USP34: variants seen among roughly 807,000 people sequenced by gnomAD.
The protein encoded by USP34 is ubiquitin carboxyl-terminal hydrolase 34.
Under a neutral mutation model 460.3 loss-of-function variants are expected in USP34, and 70 were observed. The observed-to-expected ratio is 0.15, with a 90% CI of 0.13 to 0.19. The LOEUF is 0.19. Ranked by LOEUF, USP34 falls within the 10% of genes least tolerant of loss-of-function variation. The pLI is 1.00. For synonymous variants in USP34, 1,647 were observed against 1,405.3 expected, an observed-to-expected ratio of 1.17 and a Z score of -3.85; for missense variants, 3,985 against 4,236.2, an observed-to-expected ratio of 0.94 and a Z score of 1.65.
intron 20 of USP34, 29 bp downstream of exon 20, chr2:61,331,247 T>C (rs372359811): frequency 9.6e-6 from 15 of 1,557,402 alleles, no homozygotes; most frequent in Non-Finnish European, 1.3e-5. Flanking sequence ...TCGACACAAA[T>C]GTATTTAACC....
chr2:61,275,648 C>T (rs1313156260), intron 41 of USP34, among the ~76,000 whole-genome samples: 1 of 149,652 alleles, frequency 6.7e-6, no homozygotes, highest in Non-Finnish European at 1.5e-5. Context: ...TGTTTATATA[C>T]TGAATTTGAA....
At chr2:61,238,141 C>G (rs1688126701) in intron 53 of USP34, among the ~76,000 whole-genome samples, 1 of 151,960 alleles carries the variant, frequency 6.6e-6, no homozygotes, top group Non-Finnish European at 1.5e-5. Flanking sequence ...AGTGATCCAC[C>G]TGCCTCAGCC....
chr2:61,373,734 C>T (rs1692702317), intron 8 of USP34, among the ~76,000 whole-genome samples: 1 of 152,142 alleles, frequency 6.6e-6, no homozygotes, highest in Non-Finnish European at 1.5e-5. Flanking sequence ...ACTGCAAACA[C>T]TGAATTAGCT....
At chr2:61,296,483 A>G (rs1690034601) in intron 30 of USP34, among the ~76,000 whole-genome samples, 2 of 152,164 alleles carry the variant, frequency 1.3e-5, no homozygotes, top group South Asian at 4.1e-4. Flanking sequence ...TTCTCTAAAC[A>G]TTACTTTTTG....
intron 75 of USP34, among the ~76,000 whole-genome samples, chr2:61,198,727 G>C (rs1465813096): frequency 1.3e-5 from 2 of 152,058 alleles, no homozygotes; most frequent in Non-Finnish European, 2.9e-5. Flanking sequence ...AAATTAGCCG[G>C]GTGTGGTGGT....
chr2:61,256,734 C>G, intron 47 of USP34, 139 bp downstream of exon 47: 1 of 679,324 alleles, frequency 1.5e-6, no homozygotes, highest in Non-Finnish European at 2.3e-6. Flanking sequence ...ATGTTTAACT[C>G]TTATTTGAAT....
chr2:61,403,385 T>C (rs35117152), intron 3 of USP34, among the ~76,000 whole-genome samples: 8,036 of 152,238 alleles, frequency 0.053, 269 homozygotes, highest in Non-Finnish European at 0.081. Flanking sequence ...AAAATTTCTG[T>C]GAATTTCACA....
chr2:61,397,642 T>C (rs565356173), intron 3 of USP34, among the ~76,000 whole-genome samples: 36 of 152,260 alleles, frequency 2.4e-4, no homozygotes, highest in African/African-American at 8.2e-4. Context: ...GGCTCACGCC[T>C]GTAATCCCAG....
chr2:61,320,550 T>C (rs902467545), intron 21 of USP34, among the ~76,000 whole-genome samples: 1 of 150,490 alleles, frequency 6.6e-6, no homozygotes, highest in Non-Finnish European at 1.5e-5. Context: ...CTGTAGTTTA[T>C]TTATATAAAA....
chr2:61,220,367 T>C lies in USP34; in HGVS notation c.7990A>G (p.Met2664Val), dbSNP rs758584474. The C allele has an allele frequency of 6.2e-7, 1 of 1,614,044 alleles. No homozygotes were observed. The highest frequency in any genetic ancestry group is 2.2e-5 in the East Asian group (1 of 44,860). Residue 2664 changes from methionine (M) to valine (V), a missense_variant, in exon 67 of 80, where the codon ATG (methionine) becomes GTG (valine). Met to Val is a conservative substitution (Grantham distance 21). Coordinates refer to ENST00000398571, the MANE Select transcript of USP34 (RefSeq NM_014709.4). Reference protein sequence around the residue: ...KLAHSWVLQNMENWVERFLLA... With the variant: ...KLAHSWVLQNVENWVERFLLA... ...AGAAACCGCTCGACCCAGTTTTCCA[T>C]ATTCTGTAAGACCCAGCTGTGTGCC...
At chr2:61,399,874 C>CCAAAAAAAAAAA (rs1693658071) in intron 3 of USP34, among the ~76,000 whole-genome samples, 2 of 69,984 alleles carry the variant, frequency 2.9e-5, no homozygotes, top group African/African-American at 5.8e-5. Flanking sequence ...CACTGTCTCC[C>CCAAAAAAAAAAA]AAAAAAAAAA....
At chr2:61,282,592 C>T (rs1476088803) in intron 37 of USP34, among the ~76,000 whole-genome samples, 1 of 152,064 alleles carries the variant, frequency 6.6e-6, no homozygotes, top group Non-Finnish European at 1.5e-5. Context: ...AGTTCAAGAC[C>T]AACCTGGACA....
chr2:61,453,206 T>A (rs976298367), intron 1 of USP34, among the ~76,000 whole-genome samples: 1 of 151,764 alleles, frequency 6.6e-6, no homozygotes, highest in African/African-American at 2.4e-5. Flanking sequence ...AGCCCATGAG[T>A]TCGAGACCAG....
chr2:61,249,605 A>AG (rs1385805903), intron 48 of USP34, among the ~76,000 whole-genome samples: 1 of 152,188 alleles, frequency 6.6e-6, no homozygotes, highest in East Asian at 1.9e-4. Context: ...CCTGAGCACT[A>AG]GGCAGCAGCA....
At chr2:61,303,212 G>A (rs530990642) in intron 27 of USP34, among the ~76,000 whole-genome samples, 3 of 151,996 alleles carry the variant, frequency 2.0e-5, no homozygotes, top group East Asian at 1.9e-4. Context: ...GACTACAGGC[G>A]TGCACCATCA....
chr2:61,334,017 T>C, intron 18 of USP34, 46 bp from the exon 19 acceptor site: 1 of 1,393,592 alleles, frequency 7.2e-7, no homozygotes, highest in Non-Finnish European at 9.8e-7. Flanking sequence ...TAATTCTTTT[T>C]ATAGAAATTC....
At chr2:61,410,667 T>A (rs1014050180) in intron 2 of USP34, among the ~76,000 whole-genome samples, 4 of 152,216 alleles carry the variant, frequency 2.6e-5, no homozygotes, top group Non-Finnish European at 5.9e-5. Flanking sequence ...ACATAAACTT[T>A]ACTTGTTCTC....
chr2:61,206,940 C>T, intron 70 of USP34, 54 bp from the exon 71 acceptor site: 1 of 1,577,358 alleles, frequency 6.3e-7, no homozygotes, highest in Non-Finnish European at 8.6e-7. Context: ...CTTACTGAGC[C>T]ACAAAATGGT....
At chr2:61,374,671 G>A (rs780377821) in intron 8 of USP34, among the ~76,000 whole-genome samples, 5 of 151,654 alleles carry the variant, frequency 3.3e-5, no homozygotes, top group African/African-American at 4.8e-5. Flanking sequence ...GTGCAGTGGC[G>A]CAACTTCGGC....
Sources: allele counts gnomAD v4.1 joint callset (sites outside exome capture counted in the v4.1 genomes callset), GRCh38; gene constraint gnomAD v4.1.1; transcripts MANE v1.5; gene names NCBI Gene and HGNC (gene_info 2026-07-23, HGNC 2026-07-21).